Variants in SCAI observed in about 807,000 individuals in gnomAD.
SCAI encodes protein SCAI.
SCAI carries 24 observed loss-of-function variants against 92.2 expected under a neutral mutation model. The ratio of observed to expected loss-of-function variants is 0.26; its 90% confidence interval spans 0.19 to 0.37. SCAI has a LOEUF of 0.37. SCAI is among the 10% of genes least tolerant of loss of function. The probability of loss-of-function intolerance (pLI) is 1.00; values close to 1 mark genes in which losing one functional copy is unlikely to be tolerated. For missense variants in SCAI, 450 were observed against 736.2 expected (o/e 0.61, Z 4.50); for synonymous variants, 261 against 258.6 (o/e 1.01, Z -0.09).
intron 17 of SCAI, chr9:124,968,819 G>A (rs1411693290): frequency 5.8e-6 from 4 of 691,898 alleles, no homozygotes; most frequent in South Asian, 3.2e-5. Flanking sequence ...AGCAGCCATA[G>A]AGCGGGGCCA....
chr9:125,074,276 AG>A (rs1212971088), intron 2 of SCAI, among the ~76,000 whole-genome samples: 2 of 138,626 alleles, frequency 1.4e-5, no homozygotes, highest in African/African-American at 5.5e-5. Context: ...AAAAAAAAAA[AG>A]ATAGAGTCTC....
intron 17 of SCAI, among the ~76,000 whole-genome samples, chr9:124,961,843 T>TG (rs1221447558): frequency 2.6e-5 from 4 of 151,096 alleles, no homozygotes; most frequent in Non-Finnish European, 5.9e-5. Context: ...TTTAACTACC[T>TG]GAAATTTAAC....
At chr9:125,018,684 C>T (rs149373523) in intron 9 of SCAI, 115 bp downstream of exon 9, 17 of 861,662 alleles carry the variant, frequency 2.0e-5, no homozygotes, top group African/African-American at 1.5e-4. Flanking sequence ...ATAATTTAAT[C>T]AGCAATTTCC....
intron 2 of SCAI, among the ~76,000 whole-genome samples, chr9:125,099,015 C>A (rs1191380586): frequency 1.3e-5 from 2 of 151,750 alleles, no homozygotes; most frequent in African/African-American, 4.8e-5. Flanking sequence ...GTCTTTACCG[C>A]AAATGTTTTG....
At chr9:125,122,770 G>T (rs768052618) in intron 2 of SCAI, among the ~76,000 whole-genome samples, 1 of 152,066 alleles carries the variant, frequency 6.6e-6, no homozygotes, top group Non-Finnish European at 1.5e-5. Flanking sequence ...TCTGGGCGTA[G>T]TGGTATGTGA....
intron 3 of SCAI, among the ~76,000 whole-genome samples, chr9:125,031,609 C>G (rs773869725): frequency 2.6e-5 from 4 of 152,092 alleles, no homozygotes; most frequent in Admixed American, 6.6e-5. Context: ...ATGAATAAAT[C>G]TAGAGATCAA....
intron 2 of SCAI, among the ~76,000 whole-genome samples, chr9:125,099,373 C>A (rs59459986): frequency 7.9e-5 from 12 of 152,040 alleles, no homozygotes; most frequent in African/African-American, 2.9e-4. Flanking sequence ...CTGCAACCTC[C>A]GCCTCTGGGT....
At chr9:125,034,125 G>A (rs902778581) in intron 3 of SCAI, among the ~76,000 whole-genome samples, 1 of 152,142 alleles carries the variant, frequency 6.6e-6, no homozygotes, top group African/African-American at 2.4e-5. Flanking sequence ...AGCAGAGGGA[G>A]GGGGCAGTTC....
chr9:124,986,019 C>A (rs145655511), intron 14 of SCAI, among the ~76,000 whole-genome samples: 3 of 151,818 alleles, frequency 2.0e-5, no homozygotes, highest in Admixed American at 2.0e-4. Context: ...TGTCCGGGCG[C>A]GGTGGCTCAT....
At position 124,946,826 on chromosome 9, in the gene SCAI, C is replaced by G. The variant is rs574098378; in HGVS notation, c.*5981G>C. Reference sequence around the variant, plus strand: ...GTGGTCTCATAGAGACACAGCAATACGAGTGAAGGCATTTTATTCAGTGGA... The same window carrying G: ...GTGGTCTCATAGAGACACAGCAATAGGAGTGAAGGCATTTTATTCAGTGGA... On this transcript the variant is annotated 3_prime_UTR_variant, in exon 18 of 18. Coordinates refer to ENST00000336505, the MANE Select transcript of SCAI (RefSeq NM_001144877.3). The surrounding 1 kb of genome is among the most constrained non-coding windows in gnomAD (Gnocchi z 4.0). 4.6e-5 allele frequency: 7 copies of G among 152,112 alleles called. No homozygotes were observed. The highest frequency in any genetic ancestry group is 7.2e-5 in the African/African-American group (3 of 41,416). The allele number at this position is 152,112 out of a possible 1,614,324, so 9.4% of individuals were successfully genotyped here.
intron 14 of SCAI, among the ~76,000 whole-genome samples, chr9:124,993,873 T>C (rs1832184356): frequency 1.3e-5 from 2 of 152,094 alleles, no homozygotes; most frequent in African/African-American, 4.8e-5. Flanking sequence ...CAGAAACAGT[T>C]TGAAGTGGCA....
chr9:125,095,275 C>G (rs972494802), intron 2 of SCAI, among the ~76,000 whole-genome samples: 1 of 152,224 alleles, frequency 6.6e-6, no homozygotes, highest in Admixed American at 6.5e-5. Flanking sequence ...TGTACCACAG[C>G]TCAACTTCTC....
intron 2 of SCAI, among the ~76,000 whole-genome samples, chr9:125,074,891 C>A (rs1834056427): frequency 6.6e-6 from 1 of 151,926 alleles, no homozygotes; most frequent in Non-Finnish European, 1.5e-5. Context: ...GTAATCCCAG[C>A]CACTCGGGAG....
Position 125,047,725 on chromosome 9 carries a change from TG to T in SCAI, c.230+8150del, listed in dbSNP as rs1245257762. On this transcript the variant is annotated intron_variant, in intron 3 of 17. Transcript: ENST00000336505. ...CACACATGGCTACTAAGCACTTGAA[TG>T]TAGTTAATCTGAACTGAAATGTATG... Among the ~76,000 whole-genome samples the T allele has an allele frequency of 3.3e-5, 5 of 152,236 alleles. No individual in the cohort carries two copies. In the East Asian group the frequency reaches 7.7e-4, roughly 23 times the overall value.
intron 13 of SCAI, among the ~76,000 whole-genome samples, chr9:124,999,521 T>C (rs1165917167): frequency 1.3e-5 from 2 of 152,150 alleles, no homozygotes; most frequent in African/African-American, 4.8e-5. Flanking sequence ...GAAGACTCCA[T>C]CTCAAGAAAA....
At chr9:125,079,567 C>A (rs1185740023) in intron 2 of SCAI, among the ~76,000 whole-genome samples, 1 of 151,948 alleles carries the variant, frequency 6.6e-6, no homozygotes, top group Non-Finnish European at 1.5e-5. Flanking sequence ...AAAGTATCTT[C>A]ATATAAAAAT....
chr9:125,097,432 C>G (rs565264679), intron 2 of SCAI, among the ~76,000 whole-genome samples: 2 of 151,380 alleles, frequency 1.3e-5, no homozygotes. Context: ...GACTCCGTCT[C>G]GGGGAAAAAG....
intron 2 of SCAI, among the ~76,000 whole-genome samples, chr9:125,141,341 A>G (rs1835661309): frequency 1.3e-5 from 2 of 152,188 alleles, no homozygotes; most frequent in African/African-American, 4.8e-5. Flanking sequence ...TATTAACATC[A>G]TTAACTTGCC....
At chr9:125,054,255 G>A (rs991404681) in intron 3 of SCAI, among the ~76,000 whole-genome samples, 1 of 152,164 alleles carries the variant, frequency 6.6e-6, no homozygotes, top group East Asian at 1.9e-4. Context: ...GATTATGGGC[G>A]TGAGCCACTG....
Sources: allele counts gnomAD v4.1 joint callset (sites outside exome capture counted in the v4.1 genomes callset), GRCh38; gene constraint gnomAD v4.1.1; non-coding constraint Gnocchi (gnomAD v3.1); transcripts MANE v1.5; gene names NCBI Gene and HGNC (gene_info 2026-07-23, HGNC 2026-07-21).